Variants in DOT1L observed in about 807,000 individuals in gnomAD.
The protein encoded by DOT1L is histone-lysine N-methyltransferase, H3 lysine-79 specific.
A neutral mutation model predicts 153.3 loss-of-function variants in DOT1L; 33 were observed. The observed-to-expected ratio is 0.22, with a 90% CI of 0.16 to 0.29. DOT1L has a LOEUF of 0.29. DOT1L is among the 10% of genes least tolerant of loss of function. The pLI is 1.00. For synonymous variants in DOT1L, 1,135 were observed against 965.1 expected (o/e 1.18, Z -3.26); for missense variants, 1,847 against 2,119.9 (o/e 0.87, Z 2.53).
intron 27 of DOT1L, chr19:2,228,639 C>G: frequency 2.0e-6 from 2 of 985,392 alleles, no homozygotes; most frequent in Non-Finnish European, 2.4e-6. Flanking sequence ...CTGAGGCCAG[C>G]CCTGGGGGCA....
chr19:2,185,978 C>G, intron 3 of DOT1L, 49 bp downstream of exon 3: 1 of 1,565,472 alleles, frequency 6.4e-7, no homozygotes, highest in Non-Finnish European at 8.8e-7. Flanking sequence ...AGACTCGGCT[C>G]TTGGGGAGGA....
intron 19 of DOT1L, 69 bp from the exon 20 acceptor site, chr19:2,216,212 T>G: frequency 6.7e-7 from 1 of 1,502,706 alleles, no homozygotes; most frequent in African/African-American, 1.4e-5. Flanking sequence ...GGTGTCCATC[T>G]GTGGCAGTCT....
At chr19:2,225,766 C>T (rs1002397420) in intron 26 of DOT1L, among the ~76,000 whole-genome samples, 1 of 152,160 alleles carries the variant, frequency 6.6e-6, no homozygotes, top group African/African-American at 2.4e-5. Flanking sequence ...TGCTTTGCAC[C>T]CTGGCCTTCC....
At chr19:2,166,066 G>C (rs530072387) in intron 1 of DOT1L, among the ~76,000 whole-genome samples, 10 of 151,620 alleles carry the variant, frequency 6.6e-5, no homozygotes, top group African/African-American at 2.2e-4. Flanking sequence ...CACCGCGCCC[G>C]GCCCACATTT....
At position 2,164,600 on chromosome 19, in the gene DOT1L, C is replaced by T. The variant is rs960491; in HGVS notation, c.81+335C>T. On this transcript the variant is annotated intron_variant, in intron 1 of 27. Transcript: ENST00000398665. ...TTTGACTGGAAGCCCGCCCGCCCGC[C>T]CCGCTCGTTCCCGGCGCTGTCAGTG... 8.4e-3 allele frequency: 1,761 copies of T among 209,986 alleles called. 14 individuals are homozygous for T. The highest frequency in any genetic ancestry group is 0.013 in the Non-Finnish European group (1,344 of 105,380). 13.0% of individuals were successfully genotyped at this position (209,986 alleles called of 1,614,324 possible).
At chr19:2,168,842 C>T (rs575585596) in intron 1 of DOT1L, among the ~76,000 whole-genome samples, 47 of 152,306 alleles carry the variant, frequency 3.1e-4, no homozygotes, top group African/African-American at 1.1e-3. Flanking sequence ...TCTCGAACTC[C>T]TGACCTTGTC....
chr19:2,222,147 A>G lies in DOT1L; in HGVS notation c.2978A>G (p.Gln993Arg). The G allele has an allele frequency of 8.1e-6, 13 of 1,613,060 alleles. No individual in the cohort carries two copies. The highest frequency in any genetic ancestry group is 1.1e-5 in the Non-Finnish European group (13 of 1,179,870). ...STPQHPLLLA[Q>R]PRNSLPASPA... is the part of the protein sequence containing the mutation. ...CCACAGCACCCCCTGCTGCTGGCAC[A>G]GCCCCGGAACTCGCTTCCTGCCTCT... is the stretch of plus-strand genomic sequence containing the variant. The change falls in exon 24 of 28, where the codon CAG becomes CGG. Residue 993 changes from glutamine to arginine, a missense_variant. By Grantham distance (43) the Gln-to-Arg change is conservative (BLOSUM62 1). Coordinates refer to ENST00000398665, the MANE Select transcript of DOT1L (RefSeq NM_032482.3). This position sits in a 1 kb window ranked among gnomAD's most constrained non-coding sequence, Gnocchi z 6.5.
intron 23 of DOT1L, chr19:2,221,155 CA>C: frequency 6.5e-6 from 1 of 153,088 alleles, no homozygotes; most frequent in Non-Finnish European, 1.5e-5. Flanking sequence ...CCCGCCTGGG[CA>C]AAAAGAGTAA....
Position 2,210,470 on chromosome 19 carries a change from G to T in DOT1L, c.1076G>T (p.Gly359Val). 1 of 1,592,004 alleles carries T rather than the reference G, an allele frequency of 6.3e-7. No homozygotes were observed. Among genetic ancestry groups the T allele is most frequent in the Non-Finnish European group, 8.5e-7 (1 of 1,171,928 alleles). Reference protein sequence around the residue: ...SKSNAATPTKGPEGKVAGPAD... With the variant: ...SKSNAATPTKVPEGKVAGPAD... ...AGCAACGCGGCCACGCCCACTAAGG[G>T]CCCAGAGGGCAAGGTGGCCGGCCCC... is the stretch of plus-strand genomic sequence containing the variant. The change falls in exon 13 of 28, where the codon GGC (glycine) becomes GTC (valine). Residue 359 changes from glycine (G) to valine (V), a missense_variant. By Grantham distance (109) the Gly-to-Val change is moderately radical. Around this residue, in one of 8 missense-constraint regions of DOT1L, gnomAD observed 205 missense variants for 203.1 expected, o/e 1.01. Coordinates refer to ENST00000398665, the MANE Select transcript of DOT1L (RefSeq NM_032482.3).
At position 2,216,727 on chromosome 19, in the gene DOT1L, G is replaced by A. The variant is rs1013645137; in HGVS notation, c.2370G>A (p.Thr790=). ...GGCGGCACCTGAGCCAGGACCACAC[G>A]GTGCCCGGCAGGCCGGCTGCCAGTG... The part of the protein sequence containing the change: ...VLRRHLSQDH[T]VPGRPAASEL... The change falls in exon 20 of 28, where the codon ACG becomes ACA. Residue 790 remains threonine (T), a synonymous_variant. Coordinates refer to ENST00000398665, the MANE Select transcript of DOT1L (RefSeq NM_032482.3). The A allele has an allele frequency of 1.9e-6, 3 of 1,597,598 alleles. No individual in the cohort carries two copies. Among genetic ancestry groups the A allele is most frequent in the African/African-American group, 1.3e-5 (1 of 74,846 alleles).
chr19:2,176,367 AG>A, intron 1 of DOT1L, among the ~76,000 whole-genome samples: 1 of 152,296 alleles, frequency 6.6e-6, no homozygotes, highest in East Asian at 1.9e-4. Context: ...ATGAGGCACA[AG>A]GACGAAACAG....
chr19:2,196,104 A>G (rs1485775861), intron 7 of DOT1L, among the ~76,000 whole-genome samples: 2 of 152,376 alleles, frequency 1.3e-5, no homozygotes, highest in South Asian at 4.1e-4. Context: ...CATTGCCACG[A>G]GTGGGCGTGC....
rs1327013521 is a variant in DOT1L, at chr19:2,204,859, C to T, written c.788-1870C>T. Among the ~76,000 whole-genome samples, 1 of 152,214 alleles carries T rather than the reference C, an allele frequency of 6.6e-6. No homozygotes were observed. The highest frequency in any genetic ancestry group is 1.5e-5 in the Non-Finnish European group (1 of 68,040). On this transcript the variant is annotated intron_variant, in intron 9 of 27. Transcript: ENST00000398665. The surrounding 1 kb of genome is among the most constrained non-coding windows in gnomAD (Gnocchi z 5.7). ...TGGCCCTGGAACCGCCCTTCCTGCT[C>T]CTCCTGAGGGGAGTGGTGTGTAGAA...
chr19:2,183,103 G>A (rs894171051), intron 2 of DOT1L, among the ~76,000 whole-genome samples: 2 of 152,162 alleles, frequency 1.3e-5, no homozygotes, highest in African/African-American at 2.4e-5. Context: ...TAGAAACACC[G>A]ACGACGTTCT....
At chr19:2,196,520 A>G (rs920910415) in intron 7 of DOT1L, among the ~76,000 whole-genome samples, 2 of 152,096 alleles carry the variant, frequency 1.3e-5, no homozygotes, top group African/African-American at 4.8e-5. Context: ...TTTAGTAGGG[A>G]TGGAGTTTCA....
chr19:2,167,526 G>A (rs1305600712), intron 1 of DOT1L, among the ~76,000 whole-genome samples: 1 of 152,216 alleles, frequency 6.6e-6, no homozygotes, highest in Non-Finnish European at 1.5e-5. Flanking sequence ...CCAGGCCCTG[G>A]CTTGGCAGGG....
intron 1 of DOT1L, among the ~76,000 whole-genome samples, chr19:2,175,311 A>T (rs989443326): frequency 2.0e-5 from 3 of 151,350 alleles, no homozygotes; most frequent in African/African-American, 4.9e-5. Context: ...GATATTTTGT[A>T]TCTTTTTAAG....
At chr19:2,200,852 CATTCCTCATCTTCCCTGT>C (rs2023234791) in intron 8 of DOT1L, among the ~76,000 whole-genome samples, 1 of 146,948 alleles carries the variant, frequency 6.8e-6, no homozygotes, top group African/African-American at 2.5e-5. Context: ...GTCCTCCCCT[CATTCCTCATCTTCCCTGT>C]ATTCCTCTTC....
In DOT1L at chr19:2,230,533, C is replaced by G; in HGVS notation, c.*741C>G. The G allele has an allele frequency of 2.5e-6, 1 of 398,764 alleles. No individual in the cohort carries two copies. Among genetic ancestry groups the G allele is most frequent in the Non-Finnish European group, 4.4e-6 (1 of 226,116 alleles). 24.7% of individuals were successfully genotyped at this position (398,764 alleles called of 1,614,324 possible). ...CGGGCACGTTGAACAAGTGCATTTA[C>G]TTTTGTATTTCTCGGCTGTCCATGG... On this transcript the variant is annotated 3_prime_UTR_variant, in exon 28 of 28. Transcript: ENST00000398665.
Sources: allele counts gnomAD v4.1 joint callset (sites outside exome capture counted in the v4.1 genomes callset), GRCh38; gene constraint gnomAD v4.1.1; regional missense constraint gnomAD v4.1.1; non-coding constraint Gnocchi (gnomAD v3.1); transcripts MANE v1.5; gene names NCBI Gene and HGNC (gene_info 2026-07-23, HGNC 2026-07-21).